JPH1: variants seen among roughly 807,000 people sequenced by gnomAD.
The protein encoded by JPH1 is junctophilin 1.
A neutral mutation model predicts 53.6 loss-of-function variants in JPH1; 12 were observed. That is an observed-to-expected ratio of 0.22 (90% CI 0.14 to 0.36). The LOEUF (loss-of-function observed/expected upper bound fraction) is 0.36. Among genes scored for constraint, JPH1 ranks in the 10% least tolerant of loss-of-function variants. The pLI is 1.00. For missense variants in JPH1, 808 were observed against 905.5 expected (o/e 0.89, Z 1.38); for synonymous variants, 375 against 363.8 (o/e 1.03, Z -0.35).
intron 3 of JPH1, among the ~76,000 whole-genome samples, chr8:74,252,016 C>T (rs1029210069): frequency 2.6e-5 from 4 of 152,118 alleles, no homozygotes; most frequent in Admixed American, 1.3e-4. Context: ...GAAATAATGC[C>T]ACACATCTAC....
intron 3 of JPH1, among the ~76,000 whole-genome samples, chr8:74,246,900 G>A (rs1304112308): frequency 6.6e-6 from 1 of 152,090 alleles, no homozygotes; most frequent in Non-Finnish European, 1.5e-5. Context: ...ATCAAAAATG[G>A]CAATGTTAAT....
At chr8:74,241,202 C>T (rs1805682707) in intron 4 of JPH1, among the ~76,000 whole-genome samples, 1 of 152,144 alleles carries the variant, frequency 6.6e-6, no homozygotes, top group African/African-American at 2.4e-5. Flanking sequence ...GAAAACTAGA[C>T]ATGAAAGCTT....
At chr8:74,307,002 T>C (rs1807856807) in intron 2 of JPH1, among the ~76,000 whole-genome samples, 1 of 132,406 alleles carries the variant, frequency 7.6e-6, no homozygotes, top group African/African-American at 2.9e-5. Flanking sequence ...TTTTCAGTCT[T>C]AAAAAAATAA....
chr8:74,257,819 T>G (rs753764614), intron 3 of JPH1, among the ~76,000 whole-genome samples: 18 of 152,180 alleles, frequency 1.2e-4, no homozygotes, highest in Non-Finnish European at 2.5e-4. Context: ...TTCTCAGTGG[T>G]TGCCTTGGAC....
chr8:74,250,571 CA>C (rs1377474436), intron 3 of JPH1, among the ~76,000 whole-genome samples: 1 of 152,206 alleles, frequency 6.6e-6, no homozygotes, highest in African/African-American at 2.4e-5. Context: ...ACCCGTGGCC[CA>C]ACACAAATTC....
intron 2 of JPH1, among the ~76,000 whole-genome samples, chr8:74,303,311 A>C (rs1284673829): frequency 6.6e-6 from 1 of 152,198 alleles, no homozygotes; most frequent in East Asian, 1.9e-4. Flanking sequence ...TCAAGAAGCC[A>C]AAAATCCAAA....
Position 74,256,193 on chromosome 8 carries a change from C to T in JPH1, c.1258+3192G>A, listed in dbSNP as rs542784122. 7.1e-3 allele frequency among the ~76,000 whole-genome samples: 1,087 copies of T among 152,158 alleles called. 16 individuals are homozygous for T. Among genetic ancestry groups the T allele is most frequent in the African/African-American group, 0.025 (1,023 of 41,498 alleles). ...TTAAGAAAATGTGGCACATATACAC[C>T]GTGGAATACTATGCAGCCATAAAAA... On this transcript the variant is annotated intron_variant, in intron 3 of 5. Coordinates refer to ENST00000342232, the MANE Select transcript of JPH1 (RefSeq NM_020647.4).
intron 2 of JPH1, among the ~76,000 whole-genome samples, chr8:74,297,164 A>C (rs969717507): frequency 1.3e-5 from 2 of 152,360 alleles, no homozygotes; most frequent in African/African-American, 4.8e-5. Context: ...TGCCCAACAG[A>C]GACTCTTGTA....
At chr8:74,291,150 G>T (rs1192532678) in intron 2 of JPH1, among the ~76,000 whole-genome samples, 2 of 152,084 alleles carry the variant, frequency 1.3e-5, no homozygotes, top group African/African-American at 4.8e-5. Context: ...TTAAGCTAAA[G>T]AACTTCTGCA....
intron 2 of JPH1, among the ~76,000 whole-genome samples, chr8:74,261,819 GC>G (rs1474537038): frequency 6.6e-6 from 1 of 152,086 alleles, no homozygotes; most frequent in Non-Finnish European, 1.5e-5. Flanking sequence ...CTATCTATTA[GC>G]CCTTTAATGA....
intron 2 of JPH1, among the ~76,000 whole-genome samples, chr8:74,312,398 G>A (rs750155322): frequency 1.6e-4 from 24 of 151,998 alleles, no homozygotes; most frequent in Non-Finnish European, 2.2e-4. Flanking sequence ...ACAGGTGTGC[G>A]CCACCGTGTC....
chr8:74,294,032 C>T (rs1180957612), intron 2 of JPH1, among the ~76,000 whole-genome samples: 1 of 152,124 alleles, frequency 6.6e-6, no homozygotes, highest in African/African-American at 2.4e-5. Flanking sequence ...CCCCGACTTC[C>T]AAAACACAAT....
At chr8:74,263,283 T>C (rs1460254501) in intron 2 of JPH1, among the ~76,000 whole-genome samples, 1 of 152,206 alleles carries the variant, frequency 6.6e-6, no homozygotes, top group East Asian at 1.9e-4. Flanking sequence ...AATAAACTGC[T>C]TCAAAATTGT....
In JPH1 at chr8:74,313,555, TA is replaced by T. The variant is rs145792669; in HGVS notation, c.1139+1305del. ...CTACTTATTTTTTAAGTAGAGGAAT[TA>T]AAAAAAAAAGAACTCTAGAAGTACT... On this transcript the variant is annotated intron_variant, in intron 2 of 5. Coordinates refer to ENST00000342232, the MANE Select transcript of JPH1 (RefSeq NM_020647.4). Among the ~76,000 whole-genome samples, 1,419 of 148,058 alleles carry T rather than the reference TA, an allele frequency of 9.6e-3. 28 individuals are homozygous for T. Among genetic ancestry groups the T allele is most frequent in the African/African-American group, 0.032 (1,281 of 40,518 alleles).
chr8:74,280,036 G>T (rs901548247), intron 2 of JPH1, among the ~76,000 whole-genome samples: 1 of 152,084 alleles, frequency 6.6e-6, no homozygotes, highest in Non-Finnish European at 1.5e-5. Flanking sequence ...TTCAACAAAG[G>T]AGAGGCAAAT....
At chr8:74,293,923 C>A (rs1007159257) in intron 2 of JPH1, among the ~76,000 whole-genome samples, 3 of 152,212 alleles carry the variant, frequency 2.0e-5, no homozygotes, top group African/African-American at 7.2e-5. Flanking sequence ...ACCTCCCACT[C>A]AAGAGCCAGC....
chr8:74,242,004 G>A (rs1805710351), intron 4 of JPH1, among the ~76,000 whole-genome samples: 1 of 152,168 alleles, frequency 6.6e-6, no homozygotes, highest in Non-Finnish European at 1.5e-5. Flanking sequence ...TTGAATGCGT[G>A]CCCCTAGGAC....
intron 2 of JPH1, among the ~76,000 whole-genome samples, chr8:74,300,738 T>TA (rs895166655): frequency 6.6e-6 from 1 of 152,166 alleles, no homozygotes; most frequent in African/African-American, 2.4e-5. Context: ...TTGGTATTGT[T>TA]ATGTGAAGTC....
intron 3 of JPH1, among the ~76,000 whole-genome samples, chr8:74,256,759 A>T (rs1806252061): frequency 6.6e-6 from 1 of 152,246 alleles, no homozygotes; most frequent in African/African-American, 2.4e-5. Context: ...GTCAGGAAAC[A>T]ACAGAATAAT....
Sources: allele counts gnomAD v4.1 joint callset (sites outside exome capture counted in the v4.1 genomes callset), GRCh38; gene constraint gnomAD v4.1.1; transcripts MANE v1.5; gene names NCBI Gene and HGNC (gene_info 2026-07-23, HGNC 2026-07-21).